SCAPER: variants seen among roughly 807,000 people sequenced by gnomAD.
SCAPER encodes the protein S-phase cyclin A associated protein in the ER.
SCAPER carries 98 observed loss-of-function variants against 182.2 expected under a neutral mutation model. The observed-to-expected ratio is 0.54, with a 90% CI of 0.46 to 0.64. The LOEUF (loss-of-function observed/expected upper bound fraction) is 0.64, where lower values mean the gene tolerates loss of function less well. Among genes scored for constraint, SCAPER ranks in the 30% least tolerant of loss-of-function variants. The probability of loss-of-function intolerance (pLI) is 0.00; values close to 1 mark genes in which losing one functional copy is unlikely to be tolerated. For synonymous variants in SCAPER, 605 were observed against 564.6 expected (o/e 1.07, Z -1.01); for missense variants, 1,432 against 1,690.0 (o/e 0.85, Z 2.68).
At position 76,725,646 on chromosome 15, in the gene SCAPER, G is replaced by T. The variant is rs1353435213; in HGVS notation, c.2165+2949C>A. Reference sequence around the variant, plus strand: ...TATGGACTACCATAAAAACAGACATGTATATAGTCCAATGAAACAGAACAG... The same window carrying T: ...TATGGACTACCATAAAAACAGACATTTATATAGTCCAATGAAACAGAACAG... On this transcript the variant is annotated intron_variant, in intron 17 of 31. Coordinates refer to ENST00000563290, the MANE Select transcript of SCAPER (RefSeq NM_020843.4). Among the ~76,000 whole-genome samples the T allele has an allele frequency of 2.0e-5, 3 of 151,966 alleles. No individual in the cohort carries two copies. The East Asian group carries it at 5.8e-4, about 29-fold the overall frequency.
At chr15:76,605,552 A>T (rs1428781400) in intron 22 of SCAPER, among the ~76,000 whole-genome samples, 1 of 152,186 alleles carries the variant, frequency 6.6e-6, no homozygotes, top group Non-Finnish European at 1.5e-5. Flanking sequence ...TGAGTTAGGG[A>T]GGATTCCCTC....
intron 21 of SCAPER, among the ~76,000 whole-genome samples, chr15:76,655,417 T>C (rs896426637): frequency 1.3e-5 from 2 of 152,132 alleles, no homozygotes; most frequent in Non-Finnish European, 2.9e-5. Context: ...CTATGACTCA[T>C]TGATCTCCCT....
intron 21 of SCAPER, among the ~76,000 whole-genome samples, chr15:76,642,089 C>T (rs1399372040): frequency 1.3e-5 from 2 of 152,130 alleles, no homozygotes; most frequent in Non-Finnish European, 2.9e-5. Flanking sequence ...TAAAAATATG[C>T]TACTCAGACA....
At chr15:76,555,005 T>G (rs1299289286) in intron 23 of SCAPER, among the ~76,000 whole-genome samples, 3 of 152,122 alleles carry the variant, frequency 2.0e-5, no homozygotes, top group Non-Finnish European at 4.4e-5. Flanking sequence ...GGTCTCGAAC[T>G]CCTGACCTCA....
chr15:76,760,542 A>T (rs976480607), intron 14 of SCAPER, among the ~76,000 whole-genome samples: 1 of 152,130 alleles, frequency 6.6e-6, no homozygotes, highest in African/African-American at 2.4e-5. Context: ...CAGAGGCATG[A>T]TCTATTAAAT....
At chr15:76,733,615 G>A (rs373004643) in intron 15 of SCAPER, among the ~76,000 whole-genome samples, 26 of 151,998 alleles carry the variant, frequency 1.7e-4, no homozygotes, top group African/African-American at 4.6e-4. Flanking sequence ...ATAGCCAGGC[G>A]TGGTGGCAGG....
At chr15:76,467,199 C>T (rs2049746062) in intron 25 of SCAPER, among the ~76,000 whole-genome samples, 1 of 152,096 alleles carries the variant, frequency 6.6e-6, no homozygotes, top group African/African-American at 2.4e-5. Flanking sequence ...TATAAATTAC[C>T]CAGTCTCAGG....
intron 26 of SCAPER, among the ~76,000 whole-genome samples, chr15:76,427,452 A>G (rs2046516523): frequency 6.6e-6 from 1 of 152,208 alleles, no homozygotes; most frequent in African/African-American, 2.4e-5. Context: ...GCCAACAGGT[A>G]TACGAAAAAA....
chr15:76,870,678 C>T (rs1412408019), intron 2 of SCAPER, among the ~76,000 whole-genome samples: 1 of 151,448 alleles, frequency 6.6e-6, no homozygotes, highest in Non-Finnish European at 1.5e-5. Flanking sequence ...ACTAAAATAT[C>T]CAGAATGAAA....
At chr15:76,357,101 C>A (rs1262212044) in intron 29 of SCAPER, among the ~76,000 whole-genome samples, 1 of 148,962 alleles carries the variant, frequency 6.7e-6, no homozygotes, top group Non-Finnish European at 1.5e-5. Flanking sequence ...CTCCATTGCT[C>A]TGGGTTTTAA....
Position 76,455,171 on chromosome 15 carries a change from T to C in SCAPER, c.3078+16041A>G, listed in dbSNP as rs184374906. Among the ~76,000 whole-genome samples the C allele has an allele frequency of 5.8e-4, 88 of 152,320 alleles. 5 individuals carry two copies. In the East Asian group the frequency reaches 0.013, roughly 22 times the overall value. On this transcript the variant is annotated intron_variant, in intron 25 of 31. Coordinates refer to ENST00000563290, the MANE Select transcript of SCAPER (RefSeq NM_020843.4). ...TTGCTTTAACTGCATCCCAAACATT[T>C]TGATATGCAGTATTTTCATTGTTGT... is the stretch of plus-strand genomic sequence containing the variant.
chr15:76,608,851 C>A (rs62030424), intron 22 of SCAPER, among the ~76,000 whole-genome samples: 10,244 of 152,194 alleles, frequency 0.067, 385 homozygotes, highest in Middle Eastern at 0.11. Context: ...TCCTGGTGTG[C>A]CGTTTTTTAA....
chr15:76,642,143 A>C lies in SCAPER; in HGVS notation c.2646-20314T>G, dbSNP rs539586312. Among the ~76,000 whole-genome samples, 169 of 152,334 alleles carry C rather than the reference A, an allele frequency of 1.1e-3. 1 individual carries two copies. In the Middle Eastern group the frequency reaches 0.024, roughly 21 times the overall value. On this transcript the variant is annotated intron_variant, in intron 21 of 31. Transcript: ENST00000563290. ...GCTCTCTTTACTGCGAAATGTTATA[A>C]AGCCCCAAATACAATCTATATTCAG...
chr15:76,375,263 T>C (rs887860019), intron 29 of SCAPER, among the ~76,000 whole-genome samples: 6 of 146,386 alleles, frequency 4.1e-5, no homozygotes, highest in African/African-American at 1.0e-4. Context: ...AAATGAAATC[T>C]ATGAAATCTT....
At chr15:76,571,350 T>C (rs1355797662) in intron 23 of SCAPER, among the ~76,000 whole-genome samples, 1 of 152,226 alleles carries the variant, frequency 6.6e-6, no homozygotes, top group Middle Eastern at 3.4e-3. Context: ...TAAACAGAAG[T>C]GGCTTAAGAT....
intron 8 of SCAPER, among the ~76,000 whole-genome samples, chr15:76,790,819 C>T (rs905816154): frequency 5.3e-5 from 8 of 152,102 alleles, no homozygotes; most frequent in East Asian, 1.9e-4. Flanking sequence ...CTATTCTCAC[C>T]TATAGTTTAT....
In SCAPER at chr15:76,518,196, C is replaced by CA. The variant is rs910289759; in HGVS notation, c.2839-13223dup. ...GGCCCAAGATGGGCTCCCTGCAGCT[C>CA]AAGCCCCAGCTGGCCTTCAATAGTT... On this transcript the variant is annotated intron_variant, in intron 23 of 31. Coordinates refer to ENST00000563290, the MANE Select transcript of SCAPER (RefSeq NM_020843.4). Among the ~76,000 whole-genome samples, 40 of 152,270 alleles carry CA rather than the reference C, an allele frequency of 2.6e-4. No individual in the cohort carries two copies. In the East Asian group the frequency reaches 7.1e-3, roughly 27 times the overall value.
At chr15:76,559,201 A>T (rs1597382295) in intron 23 of SCAPER, among the ~76,000 whole-genome samples, 1 of 121,826 alleles carries the variant, frequency 8.2e-6, no homozygotes, top group African/African-American at 3.8e-5. Context: ...CACCCAGCTA[A>T]TTTTTTTTTT....
chr15:76,467,450 T>C (rs2049777082), intron 25 of SCAPER, among the ~76,000 whole-genome samples: 2 of 151,700 alleles, frequency 1.3e-5, no homozygotes, highest in Admixed American at 6.6e-5. Flanking sequence ...TCTTTTTTTT[T>C]TTTTTTTAAA....
Sources: allele counts gnomAD v4.1 joint callset (sites outside exome capture counted in the v4.1 genomes callset), GRCh38; gene constraint gnomAD v4.1.1; transcripts MANE v1.5; gene names NCBI Gene and HGNC (gene_info 2026-07-23, HGNC 2026-07-21).